TRIO: variants seen among roughly 807,000 people sequenced by gnomAD.
The protein encoded by TRIO is trio Rho guanine nucleotide exchange factor.
TRIO carries 58 observed loss-of-function variants against 351.9 expected under a neutral mutation model. That is an observed-to-expected ratio of 0.16 (90% CI 0.13 to 0.21). The LOEUF (loss-of-function observed/expected upper bound fraction) is 0.21, where lower values mean the gene tolerates loss of function less well. TRIO is among the 10% of genes least tolerant of loss of function. The pLI is 1.00. For synonymous variants in TRIO, 1,758 were observed against 1,595.7 expected, an observed-to-expected ratio of 1.10 and a Z score of -2.42; for missense variants, 3,201 against 4,027.8, an observed-to-expected ratio of 0.79 and a Z score of 5.56.
rs140707866 is a variant in TRIO at position 14,289,946 on chromosome 5, T to G, written c.541-770T>G. ...AAATTGCAATGTAGTACAGATTATA[T>G]ACAACTCTAGGACTGTTCAGAATCA... On this transcript the variant is annotated intron_variant, in intron 4 of 56. Coordinates refer to ENST00000344204, the MANE Select transcript of TRIO (RefSeq NM_007118.4). Among the ~76,000 whole-genome samples the G allele has an allele frequency of 3.9e-4, 60 of 152,362 alleles. No homozygotes were observed. In the East Asian group the frequency reaches 0.01, roughly 25 times the overall value.
At chr5:14,349,194 ATG>A (rs1561374164) in intron 11 of TRIO, among the ~76,000 whole-genome samples, 1 of 131,622 alleles carries the variant, frequency 7.6e-6, no homozygotes, top group East Asian at 2.4e-4. Flanking sequence ...CTGTGTGTAT[ATG>A]TGTGCACACA....
chr5:14,436,099 G>C (rs892089944), intron 34 of TRIO, among the ~76,000 whole-genome samples: 17 of 152,064 alleles, frequency 1.1e-4, no homozygotes, highest in Non-Finnish European at 4.4e-5. Flanking sequence ...GTCTCTTCTT[G>C]TATTCATCTG....
At chr5:14,260,758 A>G (rs1795297715) in intron 1 of TRIO, among the ~76,000 whole-genome samples, 1 of 152,244 alleles carries the variant, frequency 6.6e-6, no homozygotes, top group African/African-American at 2.4e-5. Flanking sequence ...GTTGTGGAGT[A>G]CATTAGGGAA....
chr5:14,483,473 A>T (rs942640585), intron 46 of TRIO, among the ~76,000 whole-genome samples: 1 of 152,162 alleles, frequency 6.6e-6, no homozygotes. Flanking sequence ...CTCCTGCCCT[A>T]CGCCATCAGG....
At chr5:14,494,973 T>A (rs965493784) in intron 49 of TRIO, among the ~76,000 whole-genome samples, 1 of 152,214 alleles carries the variant, frequency 6.6e-6, no homozygotes, top group Non-Finnish European at 1.5e-5. Flanking sequence ...CTCCAGTGGA[T>A]CTGGGCAAAG....
intron 2 of TRIO, among the ~76,000 whole-genome samples, chr5:14,271,202 C>T (rs754405620): frequency 1.2e-4 from 18 of 152,262 alleles, no homozygotes; most frequent in South Asian, 2.1e-4. Flanking sequence ...TTTAAAAATC[C>T]GATCATTTCA....
In TRIO at chr5:14,290,803, C is replaced by A; in HGVS notation, c.628C>A (p.His210Asn). The A allele has an allele frequency of 6.2e-7, 1 of 1,614,054 alleles. No individual in the cohort carries two copies. Among genetic ancestry groups the A allele is most frequent in the Non-Finnish European group, 8.5e-7 (1 of 1,180,022 alleles). Residue 210 changes from histidine (H) to asparagine (N), a missense_variant, in exon 5 of 57, where the codon CAC becomes AAC. Transcript: ENST00000344204. The part of the protein sequence containing the change: ...PEFDGCLEYN[H>N]EEWIEIRVAF... ...GTTTGATGGCTGCCTGGAATACAACCACGAAGAATGGATTGAAATCAGAGT... is the reference window on the plus strand; with the variant it reads ...GTTTGATGGCTGCCTGGAATACAACAACGAAGAATGGATTGAAATCAGAGT...
In TRIO at chr5:14,369,547, T is replaced by C. The variant is rs766045140; in HGVS notation, c.3216+24T>C. The C allele has an allele frequency of 3.1e-6, 5 of 1,600,924 alleles. No homozygotes were observed. In the African/African-American group the frequency reaches 5.4e-5, roughly 17 times the overall value. On this transcript the variant is annotated intron_variant, in intron 18 of 56. Transcript: ENST00000344204. ...AGGTAGGGGCAGCGCTGCGGGACAG[T>C]GCACCCATCAGAGGCTTCCTGCCTG...
chr5:14,406,239 A>G, intron 32 of TRIO: 1 of 593,678 alleles, frequency 1.7e-6, no homozygotes, highest in South Asian at 2.1e-5. Flanking sequence ...CACCCCGAGC[A>G]CCATACAGGG....
At chr5:14,158,351 G>A (rs548296632) in intron 1 of TRIO, among the ~76,000 whole-genome samples, 1 of 152,032 alleles carries the variant, frequency 6.6e-6, no homozygotes, top group South Asian at 2.1e-4. Context: ...CTTGAACCCG[G>A]GAGGCAGAGG....
At chr5:14,270,991 T>G (rs573170012) in intron 2 of TRIO, 92 bp downstream of exon 2, 1 of 883,434 alleles carries the variant, frequency 1.1e-6, no homozygotes, top group African/African-American at 1.7e-5. Flanking sequence ...CCACAACATA[T>G]AAAAACATTG....
At chr5:14,169,682 T>C (rs938397868) in intron 1 of TRIO, among the ~76,000 whole-genome samples, 2 of 152,218 alleles carry the variant, frequency 1.3e-5, no homozygotes, top group Admixed American at 1.3e-4. Flanking sequence ...GTTTTAAACC[T>C]CTTAATTATG....
At chr5:14,471,581 C>T (rs1754691917) in intron 38 of TRIO, 115 bp downstream of exon 38, 3 of 1,412,840 alleles carry the variant, frequency 2.1e-6, no homozygotes, top group African/African-American at 1.4e-5. Context: ...AGCTCCAGGG[C>T]CTCTCATTAA....
chr5:14,258,508 G>C (rs1795154047), intron 1 of TRIO, among the ~76,000 whole-genome samples: 1 of 152,210 alleles, frequency 6.6e-6, no homozygotes, highest in South Asian at 2.1e-4. Flanking sequence ...CCTGTCAGGA[G>C]TGTAGCAATT....
intron 27 of TRIO, among the ~76,000 whole-genome samples, chr5:14,392,240 GA>G (rs113769072): frequency 0.12 from 17,645 of 141,954 alleles, 1,796 homozygotes; most frequent in African/African-American, 0.29. Context: ...AAATTTACAA[GA>G]AAAAAAAAAA....
At chr5:14,465,832 A>G (rs181693460) in intron 37 of TRIO, 192 bp downstream of exon 37, 1 of 614,190 alleles carries the variant, frequency 1.6e-6, no homozygotes, top group East Asian at 2.8e-5. Context: ...GAAAGCCATT[A>G]TTCCCACATT....
rs1039216298 is a variant in TRIO, at chr5:14,380,992, T to C, written c.3448-138T>C. ...CACACTTCAGTTTTATTTAAGAAAC[T>C]TGCCTCTCTGGGAGGGAATGCTTCT... On this transcript the variant is annotated intron_variant, in intron 20 of 56. Transcript: ENST00000344204. 5.9e-6 allele frequency: 7 copies of C among 1,180,592 alleles called. No individual in the cohort carries two copies. In the African/African-American group the frequency reaches 1.1e-4, roughly 18 times the overall value. 73.1% of individuals were successfully genotyped at this position (1,180,592 alleles called of 1,614,324 possible).
chr5:14,333,782 A>G lies in TRIO; in HGVS notation c.1855-2754A>G, dbSNP rs569375442. ...TCTGCTTGAGTCCTACCAAGTTCTC[A>G]AGAAAAAGAGGACACCAGTTAGGCC... On this transcript the variant is annotated intron_variant, in intron 10 of 56. Transcript: ENST00000344204. Among the ~76,000 whole-genome samples the G allele has an allele frequency of 3.3e-5, 5 of 152,248 alleles. No homozygotes were observed. In the South Asian group the frequency reaches 1.0e-3, roughly 32 times the overall value.
chr5:14,496,733 C>A, intron 49 of TRIO, 146 bp from the exon 50 acceptor site: 1 of 1,035,768 alleles, frequency 9.7e-7, no homozygotes, highest in Non-Finnish European at 1.3e-6. Context: ...GGAACATTTT[C>A]TCTAACAGAG....
Sources: allele counts gnomAD v4.1 joint callset (sites outside exome capture counted in the v4.1 genomes callset), GRCh38; gene constraint gnomAD v4.1.1; transcripts MANE v1.5; gene names NCBI Gene and HGNC (gene_info 2026-07-23, HGNC 2026-07-21).